NPAT: variants seen among roughly 807,000 people sequenced by gnomAD.
NPAT encodes nuclear protein, coactivator of histone transcription.
A neutral mutation model predicts 130.7 loss-of-function variants in NPAT; 52 were observed. That is an observed-to-expected ratio of 0.40 (90% CI 0.32 to 0.50). NPAT has a LOEUF of 0.50. Ranked by LOEUF, NPAT falls within the 20% of genes least tolerant of loss-of-function variation. The pLI is 0.68. For missense variants in NPAT, 1,687 were observed against 1,662.6 expected (o/e 1.01, Z -0.26); for synonymous variants, 580 against 584.8 (o/e 0.99, Z 0.12).
At chr11:108,204,286 T>C (rs2078303784) in intron 1 of NPAT, among the ~76,000 whole-genome samples, 1 of 152,094 alleles carries the variant, frequency 6.6e-6, no homozygotes, top group African/African-American at 2.4e-5. Flanking sequence ...GAAAACTTCC[T>C]CGATGCCTAA....
At chr11:108,209,637 C>T (rs548453406) in intron 1 of NPAT, among the ~76,000 whole-genome samples, 1 of 152,220 alleles carries the variant, frequency 6.6e-6, no homozygotes, top group East Asian at 1.9e-4. Context: ...CGCCTGTAAT[C>T]CCAGCACTTT....
rs35747263 is a variant in NPAT at position 108,170,045 on chromosome 11, TA to T, written c.2786-3del. ...GAGAGGCAATTATTATGGCAGATCC[TA>T]AAAAAACAATTCTTGTTAAAAAAAG... On this transcript the variant is annotated splice_polypyrimidine_tract_variant and splice_region_variant and intron_variant, in intron 13 of 17. Transcript: ENST00000278612. 1.3e-6 allele frequency: 2 copies of T among 1,578,842 alleles called. No homozygotes were observed. Among genetic ancestry groups the T allele is most frequent in the African/African-American group, 2.7e-5 (2 of 74,346 alleles).
Position 108,172,594 on chromosome 11 carries a change from C to T in NPAT, c.2390G>A (p.Gly797Asp). The T allele has an allele frequency of 6.2e-7, 1 of 1,614,150 alleles. No homozygotes were observed. The highest frequency in any genetic ancestry group is 8.5e-7 in the Non-Finnish European group (1 of 1,180,032). The change falls in exon 13 of 18, where the codon GGT (glycine) becomes GAT (aspartate). Residue 797 changes from glycine (G) to aspartate (D), a missense_variant. Transcript: ENST00000278612. ...CCCTACTTCGGCATATACAACAGCA[C>T]CTACAGTTTCTTCTGAAGATAGGCA... ...VKCLSSEETV[G>D]AVVYAEVGDS...
chr11:108,191,801 C>T (rs1362702678), intron 4 of NPAT, among the ~76,000 whole-genome samples: 1 of 151,784 alleles, frequency 6.6e-6, no homozygotes, highest in Non-Finnish European at 1.5e-5. Flanking sequence ...AATAAAGAGA[C>T]AGTTGCCTAA....
At chr11:108,181,464 C>A (rs1240118161) in intron 10 of NPAT, among the ~76,000 whole-genome samples, 1 of 150,722 alleles carries the variant, frequency 6.6e-6, no homozygotes. Context: ...GACTCTGTCT[C>A]AAAAAAAACA....
chr11:108,180,208 T>C (rs1382048211), intron 10 of NPAT, among the ~76,000 whole-genome samples: 1 of 152,078 alleles, frequency 6.6e-6, no homozygotes, highest in Non-Finnish European at 1.5e-5. Flanking sequence ...ACACCTGTAG[T>C]CCCTGCTACT....
intron 10 of NPAT, among the ~76,000 whole-genome samples, chr11:108,178,520 T>C (rs962627242): frequency 3.3e-5 from 5 of 152,156 alleles, no homozygotes; most frequent in African/African-American, 1.2e-4. Context: ...CTATCAAAAT[T>C]TCAATAGCAT....
chr11:108,188,088 A>G lies in NPAT; in HGVS notation c.638+10T>C, dbSNP rs1385748384. ...ATACGGGTAACTTGTCTCTTTTAAAAAGCATTTACCTTTTGCGTCTACCGG... is the reference window on the plus strand; with the variant it reads ...ATACGGGTAACTTGTCTCTTTTAAAGAGCATTTACCTTTTGCGTCTACCGG... On this transcript the variant is annotated intron_variant, in intron 7 of 17. Transcript: ENST00000278612. The G allele has an allele frequency of 6.2e-7, 1 of 1,605,124 alleles. No individual in the cohort carries two copies. The highest frequency in any genetic ancestry group is 1.1e-5 in the South Asian group (1 of 90,824).
intron 1 of NPAT, among the ~76,000 whole-genome samples, chr11:108,213,933 G>A (rs949706082): frequency 3.4e-4 from 51 of 152,142 alleles, no homozygotes; most frequent in African/African-American, 1.2e-3. Context: ...TGTCACCCAG[G>A]CTGAAGTAGA....
intron 1 of NPAT, among the ~76,000 whole-genome samples, chr11:108,213,403 T>C (rs896456225): frequency 6.6e-6 from 1 of 152,230 alleles, no homozygotes; most frequent in Non-Finnish European, 1.5e-5. Flanking sequence ...AATGCAATGC[T>C]AGTTACAATA....
intron 1 of NPAT, among the ~76,000 whole-genome samples, chr11:108,214,370 T>G (rs1427582819): frequency 1.3e-5 from 2 of 152,210 alleles, no homozygotes; most frequent in Non-Finnish European, 1.5e-5. Context: ...ATATTCTATT[T>G]CATTTATGTG....
chr11:108,190,306 C>G (rs12805311), intron 5 of NPAT, among the ~76,000 whole-genome samples, 154 bp downstream of exon 5: 1 of 79,486 alleles, frequency 1.3e-5, no homozygotes, highest in Admixed American at 2.3e-4. Flanking sequence ...GAGCGAGACA[C>G]TGTCTCAAAA....
rs1016963431 is a variant in NPAT, at chr11:108,215,245, G to A, written c.37+7255C>T. Reference sequence around the variant, plus strand: ...TAAGTATTCCCTTATATTTTCCTTTGAAGTACACTTATCTCAGTGCTGGCA... The same window carrying A: ...TAAGTATTCCCTTATATTTTCCTTTAAAGTACACTTATCTCAGTGCTGGCA... On this transcript the variant is annotated intron_variant, in intron 1 of 17. Coordinates refer to ENST00000278612, the MANE Select transcript of NPAT (RefSeq NM_002519.3). 9.2e-5 allele frequency among the ~76,000 whole-genome samples: 14 copies of A among 152,006 alleles called. No homozygotes were observed. The East Asian group carries it at 2.7e-3, about 29-fold the overall frequency.
intron 1 of NPAT, among the ~76,000 whole-genome samples, chr11:108,211,604 A>G (rs1487511447): frequency 1.3e-5 from 2 of 152,206 alleles, no homozygotes; most frequent in African/African-American, 4.8e-5. Flanking sequence ...AGCAACATAT[A>G]AAAACAGTGA....
rs541221710 is a variant in NPAT at position 108,182,202 on chromosome 11, C to G, written c.906+3030G>C. Reference sequence around the variant, plus strand: ...CCAGTGTGCTTTTTCCCCTTGTCACCTTGGCATCTTCCTTGGTATGGGGGT... The same window carrying G: ...CCAGTGTGCTTTTTCCCCTTGTCACGTTGGCATCTTCCTTGGTATGGGGGT... On this transcript the variant is annotated intron_variant, in intron 10 of 17. Coordinates refer to ENST00000278612, the MANE Select transcript of NPAT (RefSeq NM_002519.3). 3.9e-5 allele frequency among the ~76,000 whole-genome samples: 6 copies of G among 152,256 alleles called. No individual in the cohort carries two copies. In the East Asian group the frequency reaches 1.2e-3, roughly 29 times the overall value.
chr11:108,176,503 T>C, intron 11 of NPAT, 129 bp from the exon 12 acceptor site: 1 of 704,354 alleles, frequency 1.4e-6, no homozygotes, highest in East Asian at 2.7e-5. Context: ...TTAAAAAATG[T>C]TGCTTTTAAT....
chr11:108,213,729 C>T (rs1159181627), intron 1 of NPAT, among the ~76,000 whole-genome samples: 1 of 152,170 alleles, frequency 6.6e-6, no homozygotes, highest in Non-Finnish European at 1.5e-5. Context: ...AGTTGAAGCA[C>T]TTACACTTAC....
At chr11:108,216,519 A>G (rs1024193642) in intron 1 of NPAT, among the ~76,000 whole-genome samples, 9 of 145,088 alleles carry the variant, frequency 6.2e-5, no homozygotes, top group African/African-American at 2.0e-4. Flanking sequence ...AGGGTCAGGG[A>G]AAAAAAAAAA....
intron 10 of NPAT, among the ~76,000 whole-genome samples, chr11:108,181,148 AAAG>A (rs1181712498): frequency 2.0e-5 from 3 of 152,240 alleles, no homozygotes; most frequent in African/African-American, 7.2e-5. Context: ...TAAGACCTTT[AAAG>A]AAGTAACTAT....
Sources: gnomAD v4.1 joint callset for allele counts (sites outside exome capture counted in the v4.1 genomes callset) on GRCh38, gnomAD v4.1.1 for gene constraint, MANE v1.5 for transcripts, NCBI Gene and HGNC (gene_info 2026-07-23, HGNC 2026-07-21) for gene names.